The following EVI5 variants were observed in gnomAD, a reference collection of about 807,000 sequenced individuals.
The protein encoded by EVI5 is ecotropic viral integration site 5.
In EVI5, 73 loss-of-function variants were observed where a neutral mutation model predicts 112.0. The observed-to-expected ratio is 0.65, with a 90% CI of 0.54 to 0.79. The LOEUF is 0.79. EVI5 is among the 30% of genes least tolerant of loss of function. The probability of loss-of-function intolerance (pLI) is 0.00; values close to 1 mark genes in which losing one functional copy is unlikely to be tolerated. For synonymous variants in EVI5, 305 were observed against 319.9 expected (o/e 0.95, Z 0.50); for missense variants, 900 against 968.8 (o/e 0.93, Z 0.94).
At chr1:92,523,903 T>C (rs1235546819) in intron 19 of EVI5, among the ~76,000 whole-genome samples, 1 of 152,010 alleles carries the variant, frequency 6.6e-6, no homozygotes, top group African/African-American at 2.4e-5. Flanking sequence ...CTGGCCAACA[T>C]GGTGAAACCC....
rs1402608577 is a variant in EVI5, at chr1:92,513,128, A to T, written c.*528T>A. 6.6e-6 allele frequency: 1 copy of T among 150,870 alleles called. No individual in the cohort carries two copies. The highest frequency in any genetic ancestry group is 1.5e-5 in the Non-Finnish European group (1 of 67,808). 9.3% of individuals were successfully genotyped at this position (150,870 alleles called of 1,614,324 possible). On this transcript the variant is annotated 3_prime_UTR_variant, in exon 20 of 20. Coordinates refer to ENST00000684568, the MANE Select transcript of EVI5 (RefSeq NM_001350197.2). ...ACACCACAGCACTCCAGCCTGGGTG[A>T]CAGACTGAATCTCTGTCTTAAAAAA...
chr1:92,596,543 T>G (rs962374078), intron 18 of EVI5, among the ~76,000 whole-genome samples: 9 of 152,214 alleles, frequency 5.9e-5, no homozygotes, highest in African/African-American at 1.9e-4. Context: ...TTAAAGTTGT[T>G]AAGTAATAAG....
intron 14 of EVI5, among the ~76,000 whole-genome samples, chr1:92,626,814 T>C (rs1311678123): frequency 1.3e-5 from 2 of 152,226 alleles, no homozygotes; most frequent in Non-Finnish European, 2.9e-5. Context: ...CATCATTTAC[T>C]TTTTAAATAT....
chr1:92,631,277 G>A (rs2101848683), intron 14 of EVI5, among the ~76,000 whole-genome samples: 1 of 152,204 alleles, frequency 6.6e-6, no homozygotes, highest in East Asian at 1.9e-4. Flanking sequence ...GGGCAGTATG[G>A]CCATTTTCAC....
chr1:92,729,673 G>C (rs1213108300), intron 2 of EVI5, among the ~76,000 whole-genome samples: 1 of 152,074 alleles, frequency 6.6e-6, no homozygotes, highest in Non-Finnish European at 1.5e-5. Flanking sequence ...TTTTAAATCA[G>C]CTCTGGATGA....
chr1:92,595,175 A>T (rs1571785692), intron 18 of EVI5, among the ~76,000 whole-genome samples: 1 of 152,058 alleles, frequency 6.6e-6, no homozygotes, highest in South Asian at 2.1e-4. Context: ...CAAATGTCCA[A>T]CAATGATAGA....
intron 9 of EVI5, among the ~76,000 whole-genome samples, chr1:92,686,160 C>A (rs1338340931): frequency 6.6e-6 from 1 of 152,180 alleles, no homozygotes; most frequent in African/African-American, 2.4e-5. Context: ...AAAATATTGG[C>A]AAACCGAATA....
rs914198132 is a variant in EVI5, at chr1:92,697,741, A to G, written c.765+119T>C. 4.9e-6 allele frequency: 4 copies of G among 811,900 alleles called. No individual in the cohort carries two copies. In the African/African-American group the frequency reaches 6.9e-5, roughly 14 times the overall value. The allele number at this position is 811,900 out of a possible 1,614,324, so 50.3% of individuals were successfully genotyped here. On this transcript the variant is annotated intron_variant, in intron 6 of 19. Coordinates refer to ENST00000684568, the MANE Select transcript of EVI5 (RefSeq NM_001350197.2). The stretch of plus-strand genomic sequence containing the variant: ...AACCAAAAAACAATCATGTAATTAA[A>G]ACACTTACTTCTTCAAGTGCTTTAA...
At chr1:92,564,361 TAGTC>T (rs1363572627) in intron 18 of EVI5, among the ~76,000 whole-genome samples, 2 of 152,148 alleles carry the variant, frequency 1.3e-5, no homozygotes, top group Non-Finnish European at 2.9e-5. Flanking sequence ...ATTCAATACT[TAGTC>T]AAGAAGATGG....
intron 19 of EVI5, among the ~76,000 whole-genome samples, chr1:92,560,152 T>C (rs1046427482): frequency 1.3e-5 from 2 of 152,198 alleles, no homozygotes; most frequent in Admixed American, 1.3e-4. Flanking sequence ...AATCCAAATG[T>C]TCACCAACAC....
intron 18 of EVI5, among the ~76,000 whole-genome samples, chr1:92,573,490 A>G (rs900560367): frequency 6.6e-6 from 1 of 152,124 alleles, no homozygotes; most frequent in Non-Finnish European, 1.5e-5. Context: ...TACATATAAC[A>G]AAGAGATAAA....
chr1:92,670,398 T>G (rs1665669545), intron 10 of EVI5, among the ~76,000 whole-genome samples: 1 of 152,206 alleles, frequency 6.6e-6, no homozygotes. Context: ...CAACAACTTT[T>G]CACTGTCCCT....
At chr1:92,551,313 C>T (rs993011577) in intron 19 of EVI5, among the ~76,000 whole-genome samples, 2 of 152,118 alleles carry the variant, frequency 1.3e-5, no homozygotes, top group African/African-American at 2.4e-5. Flanking sequence ...CAGGCGTGAG[C>T]CACTGTGCTC....
chr1:92,716,510 G>A (rs1311993391), intron 2 of EVI5, among the ~76,000 whole-genome samples: 1 of 152,240 alleles, frequency 6.6e-6, no homozygotes, highest in Non-Finnish European at 1.5e-5. Flanking sequence ...ACAAAGATGA[G>A]GAGAAACCAG....
chr1:92,744,594 TCTCTCTCA>T (rs1375118130), intron 1 of EVI5, among the ~76,000 whole-genome samples: 40 of 134,008 alleles, frequency 3.0e-4, no homozygotes, highest in African/African-American at 1.2e-3. Context: ...TATCTCTCTC[TCTCTCTCA>T]CACACACACA....
At chr1:92,779,745 T>A (rs916605574) in intron 1 of EVI5, among the ~76,000 whole-genome samples, 1 of 151,998 alleles carries the variant, frequency 6.6e-6, no homozygotes, top group Non-Finnish European at 1.5e-5. Flanking sequence ...ATATAAAAAT[T>A]TTTTTAATTT....
intron 2 of EVI5, among the ~76,000 whole-genome samples, chr1:92,719,784 A>G (rs1674423314): frequency 6.6e-6 from 1 of 152,076 alleles, no homozygotes; most frequent in African/African-American, 2.4e-5. Flanking sequence ...ACGTGATTGT[A>G]TATTTGTAAA....
chr1:92,709,054 T>G (rs1672448314), intron 2 of EVI5, among the ~76,000 whole-genome samples: 1 of 152,120 alleles, frequency 6.6e-6, no homozygotes, highest in Admixed American at 6.5e-5. Flanking sequence ...ATTCTGTGAG[T>G]AGACAAAACA....
chr1:92,696,159 T>C (rs1180601612), intron 6 of EVI5, among the ~76,000 whole-genome samples: 1 of 152,030 alleles, frequency 6.6e-6, no homozygotes, highest in African/African-American at 2.4e-5. Flanking sequence ...CTCAAACTCC[T>C]GGGCTCAAGT....
Sources: allele counts gnomAD v4.1 joint callset (sites outside exome capture counted in the v4.1 genomes callset), GRCh38; gene constraint gnomAD v4.1.1; transcripts MANE v1.5; gene names NCBI Gene and HGNC (gene_info 2026-07-23, HGNC 2026-07-21).